The following EPB41L3 variants were observed in gnomAD, a reference collection of about 807,000 sequenced individuals.
The protein encoded by EPB41L3 is erythrocyte membrane protein band 4.1 like 3, also known as band 4.1-like protein 3.
In EPB41L3, 57 loss-of-function variants were observed where a neutral mutation model predicts 127.1. The ratio of observed to expected loss-of-function variants is 0.45; its 90% CI spans 0.36 to 0.56. The LOEUF is 0.56. Among genes scored for constraint, EPB41L3 ranks in the 20% least tolerant of loss-of-function variants. The pLI is 0.00. For missense variants in EPB41L3, 1,273 were observed against 1,372.2 expected (o/e 0.93, Z 1.14); for synonymous variants, 572 against 549.5 (o/e 1.04, Z -0.57).
intron 2 of EPB41L3, among the ~76,000 whole-genome samples, chr18:5,482,358 C>G (rs2088743977): frequency 6.6e-6 from 1 of 152,032 alleles, no homozygotes; most frequent in South Asian, 2.1e-4. Context: ...ATACAAGGTA[C>G]AGAAAATTAC....
At chr18:5,563,793 A>C (rs1049091877) in intron 3 of EPB41L3, among the ~76,000 whole-genome samples, 1 of 152,146 alleles carries the variant, frequency 6.6e-6, no homozygotes, top group Non-Finnish European at 1.5e-5. Context: ...ATAAATGATA[A>C]ATTCTGTTGT....
intron 8 of EPB41L3, chr18:5,431,143 G>A (rs762825563): frequency 6.6e-6 from 1 of 152,104 alleles, no homozygotes; most frequent in African/African-American, 2.4e-5. Flanking sequence ...TGCACATTAA[G>A]TGACAAACAA....
chr18:5,586,565 A>ATTTTTTTT (rs10669405), intron 3 of EPB41L3, among the ~76,000 whole-genome samples: 1 of 125,996 alleles, frequency 7.9e-6, no homozygotes, highest in Non-Finnish European at 1.6e-5. Flanking sequence ...ATACATGACT[A>ATTTTTTTT]TTTTTTTTTT....
rs572352314 is a variant in EPB41L3 at position 5,397,358 on chromosome 18, G to A, written c.2541C>T (p.Ser847=). The A allele has an allele frequency of 4.3e-6, 7 of 1,614,026 alleles. No homozygotes were observed. The highest frequency in any genetic ancestry group is 1.7e-4 in the Middle Eastern group (1 of 6,060). ...CGGTCTCCTGCACCACCTTCTCAGT[G>A]CTAAGCGGCAGGTGGTGCACGGTGG... is the stretch of plus-strand genomic sequence containing the variant. The part of the protein sequence containing the change: ...TEPTVHHLPL[S]TEKVVQETVL... Residue 847 remains serine, a synonymous_variant, in exon 18 of 23, where the codon AGC becomes AGT. Coordinates refer to ENST00000341928, the MANE Select transcript of EPB41L3 (RefSeq NM_012307.5). This position sits in a 1 kb window ranked among gnomAD's most constrained non-coding sequence, Gnocchi z 4.1.
chr18:5,452,655 C>T (rs909033381), intron 3 of EPB41L3, among the ~76,000 whole-genome samples: 3 of 150,612 alleles, frequency 2.0e-5, no homozygotes, highest in Admixed American at 6.7e-5. Context: ...GATAAACTGG[C>T]CAAATGCTAA....
At chr18:5,561,425 T>G (rs1347214140) in intron 3 of EPB41L3, among the ~76,000 whole-genome samples, 1 of 151,836 alleles carries the variant, frequency 6.6e-6, no homozygotes, top group East Asian at 1.9e-4. Flanking sequence ...TGGCCAAGAT[T>G]GAAGAATTTG....
At chr18:5,500,879 C>A (rs2091684370) in intron 1 of EPB41L3, among the ~76,000 whole-genome samples, 1 of 152,168 alleles carries the variant, frequency 6.6e-6, no homozygotes, top group Admixed American at 6.5e-5. Flanking sequence ...TGTAACTGCA[C>A]ACATGTCTCA....
At chr18:5,617,245 G>A (rs2144146694) in intron 1 of EPB41L3, among the ~76,000 whole-genome samples, 1 of 151,806 alleles carries the variant, frequency 6.6e-6, no homozygotes, top group Middle Eastern at 3.4e-3. Context: ...TATAAAAGAT[G>A]ATAAATGAAT....
rs145211162 is a variant in EPB41L3, at chr18:5,571,146, T to C, written c.-306+41194A>G. The stretch of plus-strand genomic sequence containing the variant: ...CTGAAGCCATGTACTATGCCAAAAG[T>C]AGTTGTGAACACATTTGAAAGCATT... On this transcript the variant is annotated intron_variant, in intron 3 of 21. Coordinates refer to the EPB41L3 transcript ENST00000545076. Among the ~76,000 whole-genome samples the C allele has an allele frequency of 7.2e-4, 109 of 152,324 alleles. 1 individual carries two copies. In the East Asian group the frequency reaches 0.015, roughly 22 times the overall value.
intron 1 of EPB41L3, among the ~76,000 whole-genome samples, chr18:5,526,063 C>T (rs1467325355): frequency 1.3e-5 from 2 of 151,808 alleles, no homozygotes; most frequent in South Asian, 2.1e-4. Flanking sequence ...TACAGAAAAC[C>T]ATAAAAACAA....
intron 3 of EPB41L3, among the ~76,000 whole-genome samples, chr18:5,608,766 A>G (rs899901611): frequency 1.3e-5 from 2 of 152,216 alleles, no homozygotes; most frequent in South Asian, 4.1e-4. Flanking sequence ...AAGTGCACAC[A>G]GAAGAAAACA....
At chr18:5,586,136 T>C (rs769792690) in intron 3 of EPB41L3, among the ~76,000 whole-genome samples, 1 of 152,232 alleles carries the variant, frequency 6.6e-6, no homozygotes, top group Non-Finnish European at 1.5e-5. Flanking sequence ...GTGCCTCTGC[T>C]TCCTATGATG....
At chr18:5,412,946 A>T (rs2076381007) in intron 13 of EPB41L3, among the ~76,000 whole-genome samples, 1 of 152,046 alleles carries the variant, frequency 6.6e-6, no homozygotes, top group South Asian at 2.1e-4. Context: ...CACAAATAGC[A>T]TAGTCCACAT....
chr18:5,606,330 T>C (rs942174774), intron 3 of EPB41L3, among the ~76,000 whole-genome samples: 6 of 152,178 alleles, frequency 3.9e-5, no homozygotes, highest in African/African-American at 1.4e-4. Flanking sequence ...CTATTAAACA[T>C]GAAATCATCT....
chr18:5,560,506 T>C (rs2094109311), intron 3 of EPB41L3, among the ~76,000 whole-genome samples: 1 of 152,222 alleles, frequency 6.6e-6, no homozygotes, highest in Non-Finnish European at 1.5e-5. Flanking sequence ...AAGAGACAAC[T>C]GGTTATGAAC....
At chr18:5,469,780 T>TC (rs2085765285) in intron 3 of EPB41L3, among the ~76,000 whole-genome samples, 1 of 151,550 alleles carries the variant, frequency 6.6e-6, no homozygotes. Flanking sequence ...TGAATTTTTT[T>TC]TTTTTTTTTT....
At chr18:5,442,648 TG>T (rs933562047) in intron 5 of EPB41L3, among the ~76,000 whole-genome samples, 2 of 152,212 alleles carry the variant, frequency 1.3e-5, no homozygotes, top group African/African-American at 4.8e-5. Flanking sequence ...TGCTCTTAAA[TG>T]TGTTCTTTAA....
At chr18:5,411,159 T>A (rs2144367558) in intron 13 of EPB41L3, among the ~76,000 whole-genome samples, 1 of 152,342 alleles carries the variant, frequency 6.6e-6, no homozygotes, top group Admixed American at 6.5e-5. Flanking sequence ...GCATTACCTG[T>A]CAATTATAAA....
intron 1 of EPB41L3, among the ~76,000 whole-genome samples, chr18:5,539,029 C>A (rs1471760551): frequency 7.9e-6 from 1 of 126,502 alleles, no homozygotes; most frequent in African/African-American, 3.1e-5. Context: ...GGTAGTAAAG[C>A]GTAAGTTACA....
Sources: allele counts gnomAD v4.1 joint callset (sites outside exome capture counted in the v4.1 genomes callset), GRCh38; gene constraint gnomAD v4.1.1; non-coding constraint Gnocchi (gnomAD v3.1); transcripts MANE v1.5; gene names NCBI Gene and HGNC (gene_info 2026-07-23, HGNC 2026-07-21).